ADRA1A: variants seen among roughly 807,000 people sequenced by gnomAD.
The protein encoded by ADRA1A is adrenoceptor alpha 1A.
In ADRA1A, 31 loss-of-function variants were observed where a neutral mutation model predicts 29.6. The ratio of observed to expected loss-of-function variants is 1.05; its 90% CI spans 0.79 to 1.41. ADRA1A has a LOEUF of 1.41. Ranked by LOEUF, ADRA1A falls within the 40% of genes most tolerant of loss-of-function variation. ADRA1A has a pLI of 0.00. For missense variants in ADRA1A, 619 were observed against 601.1 expected (o/e 1.03, Z -0.31); for synonymous variants, 311 against 254.3 (o/e 1.22, Z -2.12).
At chr8:26,790,967 T>C (rs557442924) in intron 2 of ADRA1A, among the ~76,000 whole-genome samples, 1 of 152,218 alleles carries the variant, frequency 6.6e-6, no homozygotes, top group South Asian at 2.1e-4. Flanking sequence ...ATGCCTCCCA[T>C]GCACATATAG....
intron 2 of ADRA1A, among the ~76,000 whole-genome samples, chr8:26,816,287 T>C (rs991810536): frequency 2.6e-5 from 4 of 152,144 alleles, no homozygotes; most frequent in African/African-American, 9.6e-5. Context: ...AGAAAAACCG[T>C]ATTCCATGAA....
chr8:26,834,738 G>T (rs1042194193), intron 2 of ADRA1A, among the ~76,000 whole-genome samples: 2 of 152,204 alleles, frequency 1.3e-5, no homozygotes, highest in African/African-American at 2.4e-5. Flanking sequence ...GAGTATCAAA[G>T]CATGTCCTCT....
chr8:26,864,306 G>A lies in ADRA1A; in HGVS notation c.664C>T (p.Leu222Phe), dbSNP rs1324162537. ...KRESRGLKSGLKTDKSDSEQV... is the reference protein window; with the variant it reads ...KRESRGLKSGFKTDKSDSEQV... ...TCCGAGTCCGACTTGTCGGTCTTGA[G>A]GCCAGACTTGAGGCCCCGGCTCTCC... The change falls in exon 2 of 3, where the codon CTC becomes TTC. Residue 222 changes from leucine to phenylalanine, a missense_variant. Coordinates refer to ENST00000380573, the MANE Select transcript of ADRA1A (RefSeq NM_000680.4). The surrounding 1 kb of genome is among the most constrained non-coding windows in gnomAD (Gnocchi z 8.1). 1 of 1,614,128 alleles carries A rather than the reference G, an allele frequency of 6.2e-7. No individual in the cohort carries two copies. Among genetic ancestry groups the A allele is most frequent in the Non-Finnish European group, 8.5e-7 (1 of 1,180,020 alleles).
rs535516380 is a variant in ADRA1A, at chr8:26,821,868, T to C, written c.883+42219A>G. 6.6e-6 allele frequency among the ~76,000 whole-genome samples: 1 copy of C among 152,336 alleles called. No individual in the cohort carries two copies. Among genetic ancestry groups the C allele is most frequent in the East Asian group, 1.9e-4 (1 of 5,190 alleles). Reference sequence around the variant, plus strand: ...CATACAGTATGCAATCATTTTGGGATTGGCTTTTTCCACTTAGCATTATTC... The same window carrying C: ...CATACAGTATGCAATCATTTTGGGACTGGCTTTTTCCACTTAGCATTATTC... On this transcript the variant is annotated intron_variant, in intron 2 of 2. Transcript: ENST00000380573. The surrounding 1 kb of genome is among the most constrained non-coding windows in gnomAD (Gnocchi z 5.6).
downstream of ADRA1A, chr8:26,766,049 G>A (rs1191211526): frequency 3.1e-6 from 5 of 1,613,474 alleles, no homozygotes; most frequent in Non-Finnish European, 4.2e-6. Context: ...GCTACCTGGA[G>A]ATCAGCATTC....
At position 26,756,814 on chromosome 8, in the gene ADRA1A, T is replaced by C. The variant is rs978714486; in HGVS notation, c.1270-35A>G. The C allele has an allele frequency of 8.1e-6, 13 of 1,602,970 alleles. No individual in the cohort carries two copies. The Admixed American group carries it at 1.2e-4, about 15-fold the overall frequency. On this transcript the variant is annotated intron_variant, in intron 2 of 2. Transcript: ENST00000380582. ...ACAAGGTAGACTAACATTTAATTAA[T>C]CATGCATTTTTAATATCCTAGGCAT...
At chr8:26,756,520 TC>T (rs1464775187) in exon 3 of ADRA1A, 2 of 1,529,960 alleles carry the variant, frequency 1.3e-6, no homozygotes, top group East Asian at 2.5e-5. Flanking sequence ...TTTTCCTCTT[TC>T]CCTTTGCATT....
intron 2 of ADRA1A, among the ~76,000 whole-genome samples, chr8:26,797,377 G>A (rs957663441): frequency 2.0e-5 from 3 of 152,016 alleles, no homozygotes; most frequent in Non-Finnish European, 2.9e-5. Context: ...GTTCACGGTA[G>A]CCTTCAACTC....
chr8:26,781,885 G>A (rs1216457989), intron 2 of ADRA1A, among the ~76,000 whole-genome samples: 5 of 152,204 alleles, frequency 3.3e-5, no homozygotes, highest in Non-Finnish European at 5.9e-5. Flanking sequence ...GCAGGTTTAG[G>A]TCCTGATCCT....
chr8:26,863,631 T>C (rs984610354), intron 2 of ADRA1A, among the ~76,000 whole-genome samples: 1 of 152,070 alleles, frequency 6.6e-6, no homozygotes, highest in African/African-American at 2.4e-5. Context: ...CCTAATGCAA[T>C]AATAAAATCA....
rs148618594 is a variant in ADRA1A at position 26,770,377 on chromosome 8, C to T, written c.1173G>A (p.Thr391=). ...AAAATTTCCATTCACAAACGCCATCCGTCTTGGAGATCCTGTAGAAGGTCT... is the reference window on the plus strand; with the variant it reads ...AAAATTTCCATTCACAAACGCCATCTGTCTTGGAGATCCTGTAGAAGGTCT... ...SRETFYRISK[T]DGVCEWKFFS... Residue 391 remains threonine, a synonymous_variant, in exon 3 of 3, where the codon ACG becomes ACA. Transcript: ENST00000380573. The T allele has an allele frequency of 8.7e-5, 141 of 1,614,200 alleles. No individual in the cohort carries two copies. The African/African-American group carries it at 1.2e-3, about 14-fold the overall frequency.
Position 26,815,976 on chromosome 8 carries a change from T to C in ADRA1A, c.884-45310A>G, listed in dbSNP as rs1312809186. Among the ~76,000 whole-genome samples, 2 of 152,146 alleles carry C rather than the reference T, an allele frequency of 1.3e-5. No individual in the cohort carries two copies. Among genetic ancestry groups the C allele is most frequent in the South Asian group, 2.1e-4 (1 of 4,834 alleles). On this transcript the variant is annotated intron_variant, in intron 2 of 2. Coordinates refer to ENST00000380573, the MANE Select transcript of ADRA1A (RefSeq NM_000680.4). The surrounding 1 kb of genome is among the most constrained non-coding windows in gnomAD (Gnocchi z 4.2). ...CCAGGTGCTGCTGGTTGCTTTATCATGAGCCTTGAAAAGTCGCTGGTTCCA... is the reference window on the plus strand; with the variant it reads ...CCAGGTGCTGCTGGTTGCTTTATCACGAGCCTTGAAAAGTCGCTGGTTCCA...
intron 2 of ADRA1A, among the ~76,000 whole-genome samples, chr8:26,789,079 G>T (rs904931315): frequency 2.6e-5 from 4 of 151,988 alleles, no homozygotes; most frequent in African/African-American, 7.3e-5. Flanking sequence ...TTAGACCTAT[G>T]TCTTAATGCC....
Position 26,865,349 on chromosome 8 carries a change from T to G in ADRA1A, c.-380A>C. On this transcript the variant is annotated 5_prime_UTR_variant, in exon 2 of 3. Transcript: ENST00000380573. The surrounding 1 kb of genome is among the most constrained non-coding windows in gnomAD (Gnocchi z 7.6). ...ATTACGAGAATCTGCTTTTCCGCGC[T>G]GTCTTATTCGTCCTGGCTGGGGGAA... 1 of 1,061,268 alleles carries G rather than the reference T, an allele frequency of 9.4e-7. No individual in the cohort carries two copies. Among genetic ancestry groups the G allele is most frequent in the Non-Finnish European group, 1.1e-6 (1 of 878,042 alleles). The allele number at this position is 1,061,268 out of a possible 1,614,324, so 65.7% of individuals were successfully genotyped here.
chr8:26,865,343 C>T lies in ADRA1A; in HGVS notation c.-374G>A. On this transcript the variant is annotated 5_prime_UTR_variant, in exon 2 of 3. Transcript: ENST00000380573. This position sits in a 1 kb window ranked among gnomAD's most constrained non-coding sequence, Gnocchi z 7.6. ...TCCAGAATTACGAGAATCTGCTTTT[C>T]CGCGCTGTCTTATTCGTCCTGGCTG... 2 of 1,077,064 alleles carry T rather than the reference C, an allele frequency of 1.9e-6. No individual in the cohort carries two copies. 66.7% of individuals were successfully genotyped at this position (1,077,064 alleles called of 1,614,324 possible).
chr8:26,767,308 AT>A (rs1366492498), downstream of ADRA1A, among the ~76,000 whole-genome samples: 1 of 152,122 alleles, frequency 6.6e-6, no homozygotes, highest in Non-Finnish European at 1.5e-5. Context: ...GTGAGTATAA[AT>A]ATGACAATCA....
In ADRA1A at chr8:26,796,085, GAAGTA is replaced by G. The variant is rs1808174520; in HGVS notation, c.884-25424_884-25420del. On this transcript the variant is annotated intron_variant, in intron 2 of 2. Coordinates refer to ENST00000380573, the MANE Select transcript of ADRA1A (RefSeq NM_000680.4). This position sits in a 1 kb window ranked among gnomAD's most constrained non-coding sequence, Gnocchi z 5.0. ...CATTTCAAAAAAAGAGTAATGTTTA[GAAGTA>G]AATAGTAAAATATTTACAGATGAAA... Among the ~76,000 whole-genome samples the G allele has an allele frequency of 6.6e-6, 1 of 152,052 alleles. No individual in the cohort carries two copies. The highest frequency in any genetic ancestry group is 1.5e-5 in the Non-Finnish European group (1 of 68,002).
chr8:26,817,730 A>G (rs1322233642), intron 2 of ADRA1A, among the ~76,000 whole-genome samples: 1 of 152,212 alleles, frequency 6.6e-6, no homozygotes. Flanking sequence ...GTGAGCTGTG[A>G]TTTTGTCTCT....
Position 26,825,076 on chromosome 8 carries a change from C to T in ADRA1A, c.883+39011G>A, listed in dbSNP as rs924562198. Among the ~76,000 whole-genome samples, 18 of 152,096 alleles carry T rather than the reference C, an allele frequency of 1.2e-4. No individual in the cohort carries two copies. Among genetic ancestry groups the T allele is most frequent in the South Asian group, 4.1e-4 (2 of 4,824 alleles). ...CAACATGCCAGCTTCCTTCTGACAG[C>T]GTTTGGTTGTTCAGAATTCAAGCAT... is the stretch of plus-strand genomic sequence containing the variant. On this transcript the variant is annotated intron_variant, in intron 2 of 2. Coordinates refer to ENST00000380573, the MANE Select transcript of ADRA1A (RefSeq NM_000680.4). This position sits in a 1 kb window ranked among gnomAD's most constrained non-coding sequence, Gnocchi z 5.7.
Sources: allele counts gnomAD v4.1 joint callset (sites outside exome capture counted in the v4.1 genomes callset), GRCh38; gene constraint gnomAD v4.1.1; non-coding constraint Gnocchi (gnomAD v3.1); transcripts MANE v1.5; gene names NCBI Gene and HGNC (gene_info 2026-07-23, HGNC 2026-07-21).